The following TANC1 variants were observed in gnomAD, a reference collection of about 807,000 sequenced individuals.
TANC1 encodes tetratricopeptide repeat, ankyrin repeat and coiled-coil containing 1.
TANC1 carries 77 observed loss-of-function variants against 149.7 expected under a neutral mutation model. That is an observed-to-expected ratio of 0.51 (90% CI 0.43 to 0.62). The LOEUF (loss-of-function observed/expected upper bound fraction) is 0.62. Ranked by LOEUF, TANC1 falls within the 20% of genes least tolerant of loss-of-function variation. The pLI is 0.00. For missense variants in TANC1, 1,985 were observed against 2,321.8 expected, an observed-to-expected ratio of 0.85 and a Z score of 2.98; for synonymous variants, 854 against 925.0, an observed-to-expected ratio of 0.92 and a Z score of 1.39.
chr2:159,100,403 G>A (rs867180832), intron 4 of TANC1, among the ~76,000 whole-genome samples: 10 of 152,198 alleles, frequency 6.6e-5, no homozygotes, highest in African/African-American at 2.2e-4. Flanking sequence ...CTCCTTATAT[G>A]TGTGTGGACC....
chr2:159,062,196 C>A (rs962587935), intron 2 of TANC1, among the ~76,000 whole-genome samples: 3 of 152,136 alleles, frequency 2.0e-5, no homozygotes, highest in African/African-American at 7.2e-5. Context: ...TGAGATTGTG[C>A]CACTGCATTC....
chr2:159,095,843 AC>A (rs1160038188), intron 3 of TANC1, among the ~76,000 whole-genome samples: 1 of 125,180 alleles, frequency 8.0e-6, no homozygotes, highest in Non-Finnish European at 1.8e-5. Flanking sequence ...GACTCCTAAC[AC>A]AAAAAACAAG....
intron 2 of TANC1, among the ~76,000 whole-genome samples, chr2:159,014,388 A>G (rs2038063838): frequency 6.6e-6 from 1 of 152,234 alleles, no homozygotes; most frequent in Non-Finnish European, 1.5e-5. Context: ...AACTGCCCCC[A>G]TGATTCAGTT....
intron 2 of TANC1, among the ~76,000 whole-genome samples, chr2:159,021,838 C>T (rs943680540): frequency 3.9e-5 from 6 of 152,078 alleles, no homozygotes; most frequent in Non-Finnish European, 7.3e-5. Flanking sequence ...ATAGTATAGA[C>T]TGGCATGTAA....
At chr2:159,003,549 C>T (rs1187282135) in intron 2 of TANC1, among the ~76,000 whole-genome samples, 1 of 152,210 alleles carries the variant, frequency 6.6e-6, no homozygotes, top group East Asian at 1.9e-4. Flanking sequence ...CGAGGCTACA[C>T]AGTTAATGGG....
At chr2:159,107,558 G>T (rs569431105) in intron 4 of TANC1, among the ~76,000 whole-genome samples, 1 of 152,226 alleles carries the variant, frequency 6.6e-6, no homozygotes, top group Non-Finnish European at 1.5e-5. Flanking sequence ...TCTCTTTCAC[G>T]TGGATACCAG....
At chr2:159,141,614 G>A (rs1395747212) in intron 5 of TANC1, among the ~76,000 whole-genome samples, 1 of 152,156 alleles carries the variant, frequency 6.6e-6, no homozygotes. Context: ...GAACATCTTC[G>A]CAAGTGTCCA....
At chr2:159,141,101 G>A (rs1452273120) in intron 5 of TANC1, among the ~76,000 whole-genome samples, 10 of 152,208 alleles carry the variant, frequency 6.6e-5, no homozygotes, top group Non-Finnish European at 1.3e-4. Context: ...CTGAGTGGTT[G>A]ATAAACAACA....
intron 4 of TANC1, among the ~76,000 whole-genome samples, chr2:159,122,316 C>G (rs1480093109): frequency 6.6e-6 from 1 of 152,112 alleles, no homozygotes; most frequent in East Asian, 1.9e-4. Flanking sequence ...TGGCCTTTAG[C>G]TGTTGCTCTC....
intron 2 of TANC1, among the ~76,000 whole-genome samples, chr2:159,044,337 C>T (rs1294501425): frequency 6.6e-6 from 1 of 151,802 alleles, no homozygotes; most frequent in Non-Finnish European, 1.5e-5. Context: ...ACTCGGGAGG[C>T]TGAGGTGGGA....
intron 2 of TANC1, among the ~76,000 whole-genome samples, chr2:159,049,978 C>T (rs980884883): frequency 6.6e-6 from 1 of 152,160 alleles, no homozygotes. Flanking sequence ...AGTGGGTATT[C>T]TGGTCATTTT....
At chr2:159,043,868 G>A (rs1041086553) in intron 2 of TANC1, among the ~76,000 whole-genome samples, 3 of 152,104 alleles carry the variant, frequency 2.0e-5, no homozygotes, top group African/African-American at 7.2e-5. Flanking sequence ...ATCGCTCCTG[G>A]AAGACAAATA....
chr2:159,121,361 C>T (rs980120111), intron 4 of TANC1, among the ~76,000 whole-genome samples: 33 of 152,200 alleles, frequency 2.2e-4, no homozygotes, highest in Admixed American at 1.7e-3. Flanking sequence ...GAGACGGACT[C>T]CCACCCTTAT....
intron 3 of TANC1, among the ~76,000 whole-genome samples, chr2:159,097,110 G>A (rs984836375): frequency 6.6e-6 from 1 of 152,138 alleles, no homozygotes; most frequent in Admixed American, 6.5e-5. Flanking sequence ...GGGTGGCCCT[G>A]TGTCATGGGG....
intron 21 of TANC1, 146 bp from the exon 22 acceptor site, chr2:159,219,546 C>T: frequency 3.2e-6 from 4 of 1,264,712 alleles, no homozygotes; most frequent in Non-Finnish European, 4.5e-6. Context: ...GATGACCATT[C>T]TGCCAGCCCA....
In TANC1 at chr2:159,230,740, C is replaced by T. The variant is rs2060295073; in HGVS notation, c.5314C>T (p.Leu1772Phe). The change falls in exon 27 of 27, where the codon CTC (leucine) becomes TTC (phenylalanine). Residue 1772 changes from leucine (L) to phenylalanine (F), a missense_variant. This residue lies in a region of TANC1 where 920 missense variants were observed against 994.7 expected (regional missense o/e 0.92). Coordinates refer to ENST00000263635, the MANE Select transcript of TANC1 (RefSeq NM_033394.3). The surrounding 1 kb of genome is among the most constrained non-coding windows in gnomAD (Gnocchi z 4.4). The part of the protein sequence containing the change: ...LQSANTEKPS[L>F]MQVGGYNNQA... ...GTCTGCTAACACTGAGAAGCCCTCT[C>T]TCATGCAAGTGGGAGGATATAATAA... The T allele has an allele frequency of 1.2e-6, 2 of 1,614,212 alleles. No individual in the cohort carries two copies. The highest frequency in any genetic ancestry group is 1.7e-6 in the Non-Finnish European group (2 of 1,180,050).
Position 158,980,451 on chromosome 2 carries a change from C to A in TANC1, c.-126+11669C>A, listed in dbSNP as rs116471519. Among the ~76,000 whole-genome samples, 832 of 152,194 alleles carry A rather than the reference C, an allele frequency of 5.5e-3. 4 individuals are homozygous for A. Among genetic ancestry groups the A allele is most frequent in the Non-Finnish European group, 7.3e-3 (494 of 68,024 alleles). ...TAAAAAAATCACCACCCCATTATCA[C>A]TTTTAATACAATTAACAATAATTTA... On this transcript the variant is annotated intron_variant, in intron 1 of 26. Coordinates refer to ENST00000263635, the MANE Select transcript of TANC1 (RefSeq NM_033394.3).
chr2:159,186,706 C>T, intron 15 of TANC1, 196 bp from the exon 16 acceptor site: 1 of 597,126 alleles, frequency 1.7e-6, no homozygotes. Flanking sequence ...TGAAGGCAGG[C>T]TGGTTCCTTG....
Position 159,169,210 on chromosome 2 carries a change from G to A in TANC1, c.947-40G>A, listed in dbSNP as rs1441494523. Reference sequence around the variant, plus strand: ...TAGTCACTTAGGTATGAAATTTAAAGTCACCTTTGAAGATACTAAACTTCA... The same window carrying A: ...TAGTCACTTAGGTATGAAATTTAAAATCACCTTTGAAGATACTAAACTTCA... On this transcript the variant is annotated intron_variant, in intron 8 of 26. Transcript: ENST00000263635. 5.7e-6 allele frequency: 9 copies of A among 1,574,778 alleles called. No homozygotes were observed. The East Asian group carries it at 2.0e-4, about 35-fold the overall frequency.
Sources: allele counts gnomAD v4.1 joint callset (sites outside exome capture counted in the v4.1 genomes callset), GRCh38; gene constraint gnomAD v4.1.1; regional missense constraint gnomAD v4.1.1; non-coding constraint Gnocchi (gnomAD v3.1); transcripts MANE v1.5; gene names NCBI Gene and HGNC (gene_info 2026-07-23, HGNC 2026-07-21).